SPOCK1: variants seen among roughly 807,000 people sequenced by gnomAD.
SPOCK1 encodes the protein SPARC (osteonectin), cwcv and kazal like domains proteoglycan 1.
A neutral mutation model predicts 55.3 loss-of-function variants in SPOCK1; 23 were observed. That is an observed-to-expected ratio of 0.42 (90% CI 0.30 to 0.59). The LOEUF is 0.59. SPOCK1 is among the 20% of genes least tolerant of loss of function. The pLI is 0.22. For missense variants in SPOCK1, 499 were observed against 552.5 expected (o/e 0.90, Z 0.97); for synonymous variants, 226 against 221.0 (o/e 1.02, Z -0.20).
intron 5 of SPOCK1, among the ~76,000 whole-genome samples, chr5:137,102,526 A>G (rs943601978): frequency 6.6e-6 from 1 of 152,210 alleles, no homozygotes; most frequent in Non-Finnish European, 1.5e-5. Context: ...TATGCTTTCT[A>G]GTCTTTTATG....
intron 6 of SPOCK1, among the ~76,000 whole-genome samples, chr5:137,043,752 C>G (rs1752047004): frequency 6.6e-6 from 1 of 152,138 alleles, no homozygotes; most frequent in Non-Finnish European, 1.5e-5. Flanking sequence ...TCAGAACTTT[C>G]AAGGTCATCC....
At chr5:137,427,606 C>T (rs1401259575) in intron 2 of SPOCK1, among the ~76,000 whole-genome samples, 1 of 152,144 alleles carries the variant, frequency 6.6e-6, no homozygotes, top group Non-Finnish European at 1.5e-5. Context: ...AACAACTTGT[C>T]TTACCGTAAA....
chr5:137,062,373 G>T (rs1449627558), intron 6 of SPOCK1, among the ~76,000 whole-genome samples: 1 of 152,044 alleles, frequency 6.6e-6, no homozygotes, highest in African/African-American at 2.4e-5. Flanking sequence ...GGCCAGAAGG[G>T]AGTGGTTTAT....
chr5:137,166,405 C>T (rs572600399), intron 3 of SPOCK1, among the ~76,000 whole-genome samples: 3 of 150,338 alleles, frequency 2.0e-5, no homozygotes, highest in East Asian at 3.9e-4. Flanking sequence ...ACCTTTCCTA[C>T]AAGAAATGCT....
At chr5:137,252,219 C>T (rs1010366682) in intron 3 of SPOCK1, among the ~76,000 whole-genome samples, 4 of 152,220 alleles carry the variant, frequency 2.6e-5, no homozygotes, top group South Asian at 2.1e-4. Context: ...AGCCACTGTG[C>T]CCAGCCTAAT....
intron 2 of SPOCK1, among the ~76,000 whole-genome samples, chr5:137,452,516 T>C (rs1057372210): frequency 6.6e-6 from 1 of 152,214 alleles, no homozygotes; most frequent in Non-Finnish European, 1.5e-5. Flanking sequence ...GTTTATAACA[T>C]AGTAGTTTTG....
chr5:137,392,463 C>A lies in SPOCK1; in HGVS notation c.186+105910G>T, dbSNP rs1049751376. On this transcript the variant is annotated intron_variant, in intron 2 of 10. Coordinates refer to ENST00000394945, the MANE Select transcript of SPOCK1 (RefSeq NM_004598.4). ...TTTCTTCCATCGACAATTACCAAGT[C>A]TTAGCAAATCTCACTCAATGGTATG... Among the ~76,000 whole-genome samples, 3 of 152,212 alleles carry A rather than the reference C, an allele frequency of 2.0e-5. No homozygotes were observed. The East Asian group carries it at 5.8e-4, about 29-fold the overall frequency.
chr5:137,329,550 C>T (rs1387311667), intron 2 of SPOCK1, among the ~76,000 whole-genome samples: 1 of 151,886 alleles, frequency 6.6e-6, no homozygotes, highest in Non-Finnish European at 1.5e-5. Flanking sequence ...TGCAATAAGC[C>T]AGTGTTTAAA....
chr5:137,423,963 A>T (rs1752555149), intron 2 of SPOCK1, among the ~76,000 whole-genome samples: 1 of 148,146 alleles, frequency 6.8e-6, no homozygotes. Context: ...ATTTTTGTAT[A>T]TGTTGTGAGG....
At chr5:137,084,107 A>C (rs1752919119) in intron 5 of SPOCK1, among the ~76,000 whole-genome samples, 2 of 152,118 alleles carry the variant, frequency 1.3e-5, no homozygotes, top group Non-Finnish European at 1.5e-5. Context: ...CCCAGTGCAG[A>C]GTAAGTGCTC....
intron 2 of SPOCK1, among the ~76,000 whole-genome samples, chr5:137,418,394 T>C (rs1363676216): frequency 1.3e-5 from 2 of 152,226 alleles, no homozygotes; most frequent in Non-Finnish European, 2.9e-5. Flanking sequence ...ACTTCCATAA[T>C]GGTTGAACTA....
At chr5:137,299,341 C>A (rs764370399) in intron 2 of SPOCK1, among the ~76,000 whole-genome samples, 2 of 151,934 alleles carry the variant, frequency 1.3e-5, no homozygotes, top group African/African-American at 2.4e-5. Context: ...TGGGTTTATA[C>A]GCTATACCCC....
At chr5:137,105,393 T>C (rs13357391) in intron 5 of SPOCK1, among the ~76,000 whole-genome samples, 38,333 of 152,100 alleles carry the variant, frequency 0.25, 5,390 homozygotes, top group Non-Finnish European at 0.32. Flanking sequence ...GTCTCAACTC[T>C]GCTTAAAAGA....
chr5:137,101,456 C>CA (rs1470678129), intron 5 of SPOCK1, among the ~76,000 whole-genome samples: 1 of 152,186 alleles, frequency 6.6e-6, no homozygotes, highest in Non-Finnish European at 1.5e-5. Flanking sequence ...GTGTTTTTAA[C>CA]AAAAGCACTA....
intron 3 of SPOCK1, among the ~76,000 whole-genome samples, chr5:137,171,394 C>G (rs1046797365): frequency 9.2e-5 from 14 of 152,138 alleles, no homozygotes; most frequent in Non-Finnish European, 1.5e-4. Context: ...GGGCCTGATA[C>G]AGAGCTGGCA....
rs945774457 is a variant in SPOCK1, at chr5:137,106,486, C to T, written c.474+5949G>A. 7.9e-5 allele frequency among the ~76,000 whole-genome samples: 12 copies of T among 152,218 alleles called. 1 individual carries two copies. In the Middle Eastern group the frequency reaches 0.02, roughly 259 times the overall value. ...GGCAGGCAGGAGGACTTGCAAGTCC[C>T]GCCAAGCTGAAGACGGTGAAGAAGT... On this transcript the variant is annotated intron_variant, in intron 5 of 10. Transcript: ENST00000394945.
At chr5:137,126,449 A>T (rs1753783778) in intron 4 of SPOCK1, among the ~76,000 whole-genome samples, 1 of 152,228 alleles carries the variant, frequency 6.6e-6, no homozygotes, top group South Asian at 2.1e-4. Context: ...ACTCAGACAT[A>T]AATGAGGAAT....
At chr5:137,313,330 T>G in intron 2 of SPOCK1, 1 of 753,862 alleles carries the variant, frequency 1.3e-6, no homozygotes, top group Non-Finnish European at 1.6e-6. Flanking sequence ...GAAGTAGGGA[T>G]GAGGTATGGG....
intron 2 of SPOCK1, among the ~76,000 whole-genome samples, chr5:137,367,632 C>T (rs1012257741): frequency 1.1e-4 from 16 of 152,158 alleles, no homozygotes; most frequent in African/African-American, 3.9e-4. Flanking sequence ...ATGTTGAGCC[C>T]CTTCTAGCTC....
Sources: allele counts gnomAD v4.1 joint callset (sites outside exome capture counted in the v4.1 genomes callset), GRCh38; gene constraint gnomAD v4.1.1; transcripts MANE v1.5; gene names NCBI Gene and HGNC (gene_info 2026-07-23, HGNC 2026-07-21).